PARG: variants seen among roughly 807,000 people sequenced by gnomAD.
PARG encodes the protein poly(ADP-ribose) glycohydrolase.
A neutral mutation model predicts 113.0 loss-of-function variants in PARG; 35 were observed. The observed-to-expected ratio is 0.31, with a 90% CI of 0.24 to 0.41. The LOEUF is 0.41. PARG is among the 10% of genes least tolerant of loss of function. The pLI, the probability that PARG is intolerant of heterozygous loss-of-function variation, is 1.00. For synonymous variants in PARG, 330 were observed against 409.9 expected, an observed-to-expected ratio of 0.81 and a Z score of 2.36; for missense variants, 797 against 1,169.4, an observed-to-expected ratio of 0.68 and a Z score of 4.64.
In PARG at chr10:49,934,131, A is replaced by T; in HGVS notation, c.317T>A (p.Ile106Lys). ...LDSKENNNTR[I>K]ESMMSSVQKD... ...TTGTACAGAACTCATCATGGATTCT[A>T]TTCTTGTATTGTTGTTTTCTTTACT... Residue 106 changes from isoleucine (I) to lysine (K), a missense_variant, in exon 3 of 18, where the codon ATA becomes AAA. By Grantham distance (102) the Ile-to-Lys change is moderately radical. Around this residue, in one of 5 missense-constraint regions of PARG, gnomAD observed 284 missense variants for 306.1 expected, o/e 0.93. Coordinates refer to ENST00000616448, the MANE Select transcript of PARG (RefSeq NM_003631.5). The T allele has an allele frequency of 8.9e-7, 1 of 1,118,262 alleles. No homozygotes were observed. The highest frequency in any genetic ancestry group is 1.4e-6 in the Non-Finnish European group (1 of 727,492). 69.3% of individuals were successfully genotyped at this position (1,118,262 alleles called of 1,614,324 possible).
At chr10:49,896,965 G>GT (rs1848117858) in intron 7 of PARG, among the ~76,000 whole-genome samples, 1 of 152,146 alleles carries the variant, frequency 6.6e-6, no homozygotes, top group African/African-American at 2.4e-5. Flanking sequence ...ATTTTACTAG[G>GT]TATTAATCCT....
chr10:49,889,206 T>C (rs1489423985), intron 7 of PARG, among the ~76,000 whole-genome samples: 4 of 152,086 alleles, frequency 2.6e-5, no homozygotes, highest in Admixed American at 2.6e-4. Flanking sequence ...TTGATGTTCA[T>C]TTTTCATTTC....
At chr10:49,932,998 T>G (rs1838564708) in intron 3 of PARG, among the ~76,000 whole-genome samples, 179 bp downstream of exon 3, 20 of 152,236 alleles carry the variant, frequency 1.3e-4, no homozygotes. Context: ...TTTCTTGTTT[T>G]CTGTTTCTAG....
Position 49,933,205 on chromosome 10 carries a change from T to G in PARG, c.1243A>C (p.Met415Leu). Residue 415 changes from methionine (M) to leucine (L), a missense_variant, in exon 3 of 18, where the codon ATG becomes CTG. Physicochemically the swap from Met to Leu is conservative, Grantham distance 15. Transcript: ENST00000616448. ...CTGTCCTCTGCTTTGGGCAGTCTCA[T>G]GAAATGATCTGTGATTTTAGAATCC... is the stretch of plus-strand genomic sequence containing the variant. ...KKDSKITDHF[M>L]RLPKAEDRRK... The G allele has an allele frequency of 6.3e-7, 1 of 1,585,032 alleles. No individual in the cohort carries two copies. Among genetic ancestry groups the G allele is most frequent in the South Asian group, 1.1e-5 (1 of 87,228 alleles).
At chr10:49,895,223 T>C (rs1176343829) in intron 7 of PARG, among the ~76,000 whole-genome samples, 1 of 152,230 alleles carries the variant, frequency 6.6e-6, no homozygotes, top group Non-Finnish European at 1.5e-5. Context: ...TTGTTTACTG[T>C]AGTCTTATTG....
chr10:49,905,260 G>C (rs1554844635), intron 7 of PARG, among the ~76,000 whole-genome samples: 1 of 152,282 alleles, frequency 6.6e-6, no homozygotes, highest in Admixed American at 6.5e-5. Context: ...GTCAGTAAAT[G>C]TTACAAAACA....
At chr10:49,831,362 T>C (rs1174421696) in intron 16 of PARG, among the ~76,000 whole-genome samples, 1 of 152,188 alleles carries the variant, frequency 6.6e-6, no homozygotes, top group Non-Finnish European at 1.5e-5. Context: ...GTTCAGCTAT[T>C]AAGGCCAGCT....
At chr10:49,882,768 C>T (rs564096266) in intron 8 of PARG, among the ~76,000 whole-genome samples, 1 of 141,194 alleles carries the variant, frequency 7.1e-6, no homozygotes, top group Non-Finnish European at 1.5e-5. Context: ...CCATGCAAAC[C>T]AGGGACACAA....
At chr10:49,915,039 G>A (rs1359190637) in intron 7 of PARG, among the ~76,000 whole-genome samples, 5 of 152,078 alleles carry the variant, frequency 3.3e-5, no homozygotes, top group African/African-American at 9.6e-5. Context: ...AAGAGCTAAA[G>A]CTATAAAATT....
intron 2 of PARG, 26 bp from the exon 3 acceptor site, chr10:49,934,189 A>T (rs1838631183): frequency 1.1e-6 from 1 of 874,728 alleles, no homozygotes; most frequent in East Asian, 2.5e-5. Context: ...AAGAACTAAA[A>T]ACAACTTATA....
chr10:49,941,945 G>C lies in PARG; in HGVS notation c.-220C>G. 1.0e-6 allele frequency: 1 copy of C among 958,140 alleles called. No homozygotes were observed. The highest frequency in any genetic ancestry group is 1.4e-5 in the South Asian group (1 of 70,782). 59.4% of individuals were successfully genotyped at this position (958,140 alleles called of 1,614,324 possible). A position where few individuals can be genotyped will look rare whatever the true frequency, so the allele number is the denominator to read the frequency against. On this transcript the variant is annotated 5_prime_UTR_variant, in exon 1 of 18. Transcript: ENST00000616448. ...CCACTGGCACCCCACCTGCCTCAATGCGCCGCTTTGATTCGGGATTCGTTC... is the reference window on the plus strand; with the variant it reads ...CCACTGGCACCCCACCTGCCTCAATCCGCCGCTTTGATTCGGGATTCGTTC...
At chr10:49,851,132 A>AT (rs1419393817) in intron 13 of PARG, among the ~76,000 whole-genome samples, 3 of 152,062 alleles carry the variant, frequency 2.0e-5, no homozygotes, top group African/African-American at 7.2e-5. Context: ...CCTCTTCATG[A>AT]TTTTTTAGAT....
At chr10:49,920,459 A>ATAT (rs1837736874) in intron 6 of PARG, among the ~76,000 whole-genome samples, 4 of 50,610 alleles carry the variant, frequency 7.9e-5, no homozygotes, top group South Asian at 6.6e-4. Context: ...ATTAAAAAAA[A>ATAT]AAAAATATAT....
At chr10:49,856,533 C>T (rs576536681) in intron 13 of PARG, among the ~76,000 whole-genome samples, 5 of 152,360 alleles carry the variant, frequency 3.3e-5, no homozygotes, top group African/African-American at 1.2e-4. Context: ...CAAAAGGTTA[C>T]TGATTTCTCT....
At chr10:49,917,641 C>T (rs1219665147) in intron 6 of PARG, among the ~76,000 whole-genome samples, 40 of 151,114 alleles carry the variant, frequency 2.6e-4, no homozygotes, top group Admixed American at 2.6e-3. Context: ...GGCAACATGA[C>T]AAGACCCCTA....
Position 49,916,708 on chromosome 10 carries a change from G to C in PARG, c.1663-717C>G, listed in dbSNP as rs144239497. On this transcript the variant is annotated intron_variant, in intron 6 of 17. Coordinates refer to ENST00000616448, the MANE Select transcript of PARG (RefSeq NM_003631.5). ...CATAAGGCAATCCACTAGATGTGCA[G>C]AAACAACTATTTATTTATAATTACC... Among the ~76,000 whole-genome samples, 199 of 152,184 alleles carry C rather than the reference G, an allele frequency of 1.3e-3. 1 individual carries two copies. The highest frequency in any genetic ancestry group is 4.2e-3 in the African/African-American group (175 of 41,536).
chr10:49,922,253 A>T, intron 6 of PARG, 83 bp downstream of exon 6: 2 of 1,400,986 alleles, frequency 1.4e-6, no homozygotes, highest in South Asian at 1.3e-5. Context: ...CAATGTTGCT[A>T]CCTGAGTCTA....
At chr10:49,913,739 C>T (rs1350623503) in intron 7 of PARG, among the ~76,000 whole-genome samples, 1 of 152,096 alleles carries the variant, frequency 6.6e-6, no homozygotes, top group African/African-American at 2.4e-5. Flanking sequence ...CCCATCTCTA[C>T]TAAAAATATA....
chr10:49,833,113 GATAAATTCTA>G, intron 15 of PARG: 1 of 360,722 alleles, frequency 2.8e-6, no homozygotes, highest in Non-Finnish European at 5.0e-6. Flanking sequence ...ACTAAGAAAT[GATAAATTCTA>G]ATATTTATTT....
Sources: gnomAD v4.1 joint callset for allele counts (sites outside exome capture counted in the v4.1 genomes callset) on GRCh38, gnomAD v4.1.1 for gene constraint, gnomAD v4.1.1 regional missense constraint, MANE v1.5 for transcripts, NCBI Gene and HGNC (gene_info 2026-07-23, HGNC 2026-07-21) for gene names.